Variants in RIMBP2 observed in about 807,000 individuals in gnomAD.
RIMBP2 encodes RIMS-binding protein 2.
RIMBP2 carries 48 observed loss-of-function variants against 118.6 expected under a neutral mutation model. The ratio of observed to expected loss-of-function variants is 0.40; its 90% CI spans 0.32 to 0.51. The LOEUF (loss-of-function observed/expected upper bound fraction) is 0.51. RIMBP2 is among the 20% of genes least tolerant of loss of function. The pLI is 0.41. For synonymous variants in RIMBP2, 762 were observed against 742.9 expected, an observed-to-expected ratio of 1.03 and a Z score of -0.42; for missense variants, 1,551 against 1,768.3, an observed-to-expected ratio of 0.88 and a Z score of 2.20.
At chr12:130,577,751 C>A (rs957023424) in intron 2 of RIMBP2, among the ~76,000 whole-genome samples, 3 of 152,050 alleles carry the variant, frequency 2.0e-5, no homozygotes, top group African/African-American at 7.2e-5. Context: ...ATTAAAAATG[C>A]CTTTATGGTG....
At chr12:130,690,309 T>G (rs1159570269) in intron 1 of RIMBP2, among the ~76,000 whole-genome samples, 1 of 152,024 alleles carries the variant, frequency 6.6e-6, no homozygotes, top group African/African-American at 2.4e-5. Flanking sequence ...CTCCAGAGAT[T>G]GGGGCAGGGA....
intron 6 of RIMBP2, among the ~76,000 whole-genome samples, chr12:130,467,395 T>C (rs898676868): frequency 6.6e-6 from 1 of 152,250 alleles, no homozygotes; most frequent in African/African-American, 2.4e-5. Flanking sequence ...CTAGCTCATC[T>C]GGTCTTGTGG....
Position 130,441,918 on chromosome 12 carries a change from C to CA in RIMBP2, c.1433dup (p.Met478IlefsTer78), listed in dbSNP as rs1186746885. 6.2e-7 allele frequency: 1 copy of CA among 1,613,964 alleles called. No homozygotes were observed. Among genetic ancestry groups the CA allele is most frequent in the East Asian group, 2.2e-5 (1 of 44,878 alleles). On this transcript the variant is annotated frameshift_variant, in exon 11 of 23. Coordinates refer to ENST00000690449, the MANE Select transcript of RIMBP2 (RefSeq NM_001393629.1). LOFTEE classifies it high-confidence loss of function. ...TTTGCTCCAGCGGGAGCTGCCACGG[C>CA]ATCTGGTGGGGTTTGGCCAGAACCT...
chr12:130,491,221 G>T (rs924531213), intron 4 of RIMBP2, among the ~76,000 whole-genome samples: 3 of 152,150 alleles, frequency 2.0e-5, no homozygotes, highest in Admixed American at 2.0e-4. Flanking sequence ...CTTGAAGCAG[G>T]TGATATTTTT....
At chr12:130,451,747 C>T (rs1489129733) in intron 7 of RIMBP2, among the ~76,000 whole-genome samples, 4 of 151,600 alleles carry the variant, frequency 2.6e-5, no homozygotes, top group South Asian at 2.1e-4. Context: ...CACAGCGAGA[C>T]CGAGAGAAAG....
At chr12:130,484,764 G>A (rs1340644619) in intron 4 of RIMBP2, among the ~76,000 whole-genome samples, 1 of 152,210 alleles carries the variant, frequency 6.6e-6, no homozygotes, top group Non-Finnish European at 1.5e-5. Flanking sequence ...GGGGAAAAGT[G>A]CTTCCAGCAT....
intron 2 of RIMBP2, among the ~76,000 whole-genome samples, chr12:130,609,136 C>G (rs906102171): frequency 1.3e-5 from 2 of 152,102 alleles, no homozygotes; most frequent in Non-Finnish European, 2.9e-5. Context: ...GGAATGGCCA[C>G]GAGCCCACTA....
chr12:130,709,054 C>T (rs1407832014), intron 1 of RIMBP2, among the ~76,000 whole-genome samples: 1 of 152,240 alleles, frequency 6.6e-6, no homozygotes, highest in African/African-American at 2.4e-5. Context: ...TGCATGTAAC[C>T]GAGGAAGGCA....
Position 130,664,429 on chromosome 12 carries a change from ATG to A in RIMBP2, c.-351-35975_-351-35974del, listed in dbSNP as rs1175809011. On this transcript the variant is annotated intron_variant, in intron 1 of 22. Transcript: ENST00000690449. Reference sequence around the variant, plus strand: ...CACGCACGCACACACACGCACACACATGCATGCACGCACACACGCACACACAT... The same window carrying A: ...CACGCACGCACACACACGCACACACACATGCACGCACACACGCACACACAT... Among the ~76,000 whole-genome samples, 57 of 64,622 alleles carry A rather than the reference ATG, an allele frequency of 8.8e-4. 1 individual carries two copies. In the East Asian group the frequency reaches 0.015, roughly 17 times the overall value. 42.4% of individuals were successfully genotyped at this position (64,622 alleles called of 152,430 possible). A position where few individuals can be genotyped will look rare whatever the true frequency, so the allele number is the denominator to read the frequency against.
At chr12:130,483,904 T>C (rs2082264935) in intron 4 of RIMBP2, among the ~76,000 whole-genome samples, 1 of 151,130 alleles carries the variant, frequency 6.6e-6, no homozygotes, top group East Asian at 2.0e-4. Context: ...CGTCCCCACC[T>C]AGACACGGTG....
chr12:130,450,141 CCAA>C lies in RIMBP2; in HGVS notation c.581+56_581+58del, dbSNP rs1217728371. The C allele has an allele frequency of 7.2e-6, 8 of 1,112,614 alleles. No individual in the cohort carries two copies. The African/African-American group carries it at 1.1e-4, about 15-fold the overall frequency. The allele number at this position is 1,112,614 out of a possible 1,614,324, so 68.9% of individuals were successfully genotyped here. A position where few individuals can be genotyped will look rare whatever the true frequency, so the allele number is the denominator to read the frequency against. On this transcript the variant is annotated intron_variant, in intron 9 of 22. Transcript: ENST00000690449. This position sits in a 1 kb window ranked among gnomAD's most constrained non-coding sequence, Gnocchi z 4.8. ...CTCAGACCCCAGAGTGTTCCCAGAC[CCAA>C]CATCTCATCTGCCCCACTCACAGGG...
At chr12:130,493,069 G>A (rs79767817) in intron 4 of RIMBP2, among the ~76,000 whole-genome samples, 8,254 of 152,106 alleles carry the variant, frequency 0.054, 783 homozygotes, top group African/African-American at 0.19. Context: ...CGCAGGAGGC[G>A]GAGGCTGCAG....
chr12:130,476,252 T>C (rs2081415300), intron 5 of RIMBP2, among the ~76,000 whole-genome samples: 1 of 152,176 alleles, frequency 6.6e-6, no homozygotes, highest in African/African-American at 2.4e-5. Context: ...AAGCCACTTG[T>C]TGGGGGTGGG....
intron 2 of RIMBP2, among the ~76,000 whole-genome samples, chr12:130,572,498 G>A (rs919023107): frequency 8.6e-5 from 13 of 152,036 alleles, no homozygotes; most frequent in Non-Finnish European, 1.6e-4. Flanking sequence ...GGCTGGAGAC[G>A]ACCTGATTCT....
chr12:130,674,197 T>G (rs1040223583), intron 1 of RIMBP2, among the ~76,000 whole-genome samples: 6 of 152,172 alleles, frequency 3.9e-5, no homozygotes, highest in Non-Finnish European at 8.8e-5. Context: ...TGGCGCCTTC[T>G]CCTTCGCTTC....
chr12:130,639,977 G>A (rs1164337542), intron 1 of RIMBP2, among the ~76,000 whole-genome samples: 12 of 152,122 alleles, frequency 7.9e-5, no homozygotes, highest in South Asian at 6.2e-4. Context: ...ACTTCCTGGC[G>A]TTTCTGTTCC....
intron 1 of RIMBP2, among the ~76,000 whole-genome samples, chr12:130,698,022 C>T (rs1294478392): frequency 1.3e-5 from 2 of 152,092 alleles, no homozygotes; most frequent in African/African-American, 4.8e-5. Context: ...CTTGCGGTCA[C>T]GGGCGTGGAG....
At chr12:130,615,693 G>A (rs924312597) in intron 2 of RIMBP2, among the ~76,000 whole-genome samples, 1 of 152,126 alleles carries the variant, frequency 6.6e-6, no homozygotes, top group Non-Finnish European at 1.5e-5. Flanking sequence ...TTATAGACAG[G>A]GAGAAAGGGG....
chr12:130,529,718 A>G (rs1266376887), intron 2 of RIMBP2, among the ~76,000 whole-genome samples: 1 of 152,188 alleles, frequency 6.6e-6, no homozygotes, highest in African/African-American at 2.4e-5. Flanking sequence ...TTTGGGCACC[A>G]GTGACCAGCT....
Sources: gnomAD v4.1 joint callset for allele counts (sites outside exome capture counted in the v4.1 genomes callset) on GRCh38, gnomAD v4.1.1 for gene constraint, Gnocchi (gnomAD v3.1) non-coding constraint, MANE v1.5 for transcripts, NCBI Gene and HGNC (gene_info 2026-07-23, HGNC 2026-07-21) for gene names.